The following MAPKAPK5 variants were observed in gnomAD, a reference collection of about 807,000 sequenced individuals.
MAPKAPK5 encodes MAPK activated protein kinase 5, also known as MAP kinase-activated protein kinase 5.
In MAPKAPK5, 30 loss-of-function variants were observed where a neutral mutation model predicts 65.1. That is an observed-to-expected ratio of 0.46 (90% CI 0.34 to 0.63). The LOEUF is 0.63. Among genes scored for constraint, MAPKAPK5 ranks in the 20% least tolerant of loss-of-function variants. The probability of loss-of-function intolerance (pLI) is 0.01; values close to 1 mark genes in which losing one functional copy is unlikely to be tolerated. For missense variants in MAPKAPK5, 433 were observed against 581.4 expected (o/e 0.74, Z 2.63); for synonymous variants, 179 against 204.6 (o/e 0.87, Z 1.07).
chr12:111,888,846 G>A lies in MAPKAPK5; in HGVS notation c.1101-39G>A, dbSNP rs1431405158. On this transcript the variant is annotated intron_variant, in intron 11 of 13. Transcript: ENST00000550735. ...TATCTGTCCAGAGTTGGTTTTTGGG[G>A]TCTCACGTTGTCATTACCCCTCCCT... is the stretch of plus-strand genomic sequence containing the variant. 10 of 1,606,024 alleles carry A rather than the reference G, an allele frequency of 6.2e-6. No homozygotes were observed. The Admixed American group carries it at 1.2e-4, about 19-fold the overall frequency.
chr12:111,888,482 A>T lies in MAPKAPK5; in HGVS notation c.970-6A>T. 1 of 1,613,040 alleles carries T rather than the reference A, an allele frequency of 6.2e-7. No homozygotes were observed. Among genetic ancestry groups the T allele is most frequent in the Non-Finnish European group, 8.5e-7 (1 of 1,179,614 alleles). ...ATGAAAAACTGACGGCAGTGTTTGC[A>T]TTCAGGCAGTGGTTGCAGGAATCCA... On this transcript the variant is annotated splice_polypyrimidine_tract_variant and splice_region_variant and intron_variant, in intron 10 of 13. Coordinates refer to ENST00000550735, the MANE Select transcript of MAPKAPK5 (RefSeq NM_003668.4).
intron 1 of MAPKAPK5, among the ~76,000 whole-genome samples, chr12:111,851,678 C>T (rs79518184): frequency 1.3e-3 from 202 of 152,250 alleles, no homozygotes; most frequent in African/African-American, 4.6e-3. Flanking sequence ...TTGTTAACAC[C>T]AAGGAAGAGA....
chr12:111,876,887 C>G (rs1451831841), intron 7 of MAPKAPK5, among the ~76,000 whole-genome samples: 1 of 146,610 alleles, frequency 6.8e-6, no homozygotes, highest in African/African-American at 2.6e-5. Flanking sequence ...AGTGGTCATA[C>G]TAATACACAT....
intron 1 of MAPKAPK5, chr12:111,843,175 T>C (rs2068783071): frequency 7.5e-6 from 3 of 398,662 alleles, no homozygotes; most frequent in African/African-American, 2.1e-5. Context: ...CCCGATTTGT[T>C]TGAAATCAGC....
chr12:111,868,899 A>G, intron 5 of MAPKAPK5, 38 bp downstream of exon 5: 3 of 1,488,176 alleles, frequency 2.0e-6, no homozygotes, highest in Non-Finnish European at 2.7e-6. Flanking sequence ...CTGCCACCAA[A>G]GTTGGTTAAC....
Position 111,848,148 on chromosome 12 carries a change from G to A in MAPKAPK5, c.36+5379G>A, listed in dbSNP as rs71465816. Among the ~76,000 whole-genome samples the A allele has an allele frequency of 3.8e-3, 575 of 152,268 alleles. 1 individual carries two copies. The highest frequency in any genetic ancestry group is 6.1e-3 in the Non-Finnish European group (415 of 68,026). On this transcript the variant is annotated intron_variant, in intron 1 of 13. Coordinates refer to ENST00000550735, the MANE Select transcript of MAPKAPK5 (RefSeq NM_003668.4). ...AGTAAATTTATGTTTAACTTTTTAAGAAACCACCGAACTGTTTTCCAAAGT... is the reference window on the plus strand; with the variant it reads ...AGTAAATTTATGTTTAACTTTTTAAAAAACCACCGAACTGTTTTCCAAAGT...
intron 2 of MAPKAPK5, among the ~76,000 whole-genome samples, chr12:111,865,618 A>C (rs902745872): frequency 6.6e-6 from 1 of 152,014 alleles, no homozygotes; most frequent in African/African-American, 2.4e-5. Context: ...CAGGCGGATC[A>C]TGAGGTCAGG....
chr12:111,865,982 G>A (rs1299580578), intron 2 of MAPKAPK5, among the ~76,000 whole-genome samples, 174 bp from the exon 3 acceptor site: 1 of 152,176 alleles, frequency 6.6e-6, no homozygotes, highest in Non-Finnish European at 1.5e-5. Context: ...TGGCTGCTGG[G>A]CAGAGGGGTG....
intron 1 of MAPKAPK5, among the ~76,000 whole-genome samples, chr12:111,855,886 G>T (rs184195394): frequency 0.018 from 2,591 of 142,316 alleles, 29 homozygotes; most frequent in Non-Finnish European, 0.028. Flanking sequence ...ATGGAGTTTC[G>T]CTCTTGTTGC....
chr12:111,842,657 C>CT lies in MAPKAPK5; in HGVS notation c.-74dup. ...GGCCCAGGGGCCCGAGTGCCGAGCCCTTTGCTCCCTCGGCCGCGCGGGGAC... is the reference window on the plus strand; with the variant it reads ...GGCCCAGGGGCCCGAGTGCCGAGCCCTTTTGCTCCCTCGGCCGCGCGGGGAC... On this transcript the variant is annotated 5_prime_UTR_variant, in exon 1 of 14. Coordinates refer to ENST00000550735, the MANE Select transcript of MAPKAPK5 (RefSeq NM_003668.4). 1 of 1,171,262 alleles carries CT rather than the reference C, an allele frequency of 8.5e-7. No homozygotes were observed. The highest frequency in any genetic ancestry group is 3.1e-5 in the East Asian group (1 of 32,248). 72.6% of individuals were successfully genotyped at this position (1,171,262 alleles called of 1,614,324 possible). A position where few individuals can be genotyped will look rare whatever the true frequency, so the allele number is the denominator to read the frequency against.
At position 111,842,586 on chromosome 12, in the gene MAPKAPK5, C is replaced by G. The variant is rs2068748714; in HGVS notation, c.-148C>G. ...CCGAAGCAGAGCCGGCGCCGGGGTC[C>G]TCATCCCCACCGGTCCCGAGGGGCG... On this transcript the variant is annotated 5_prime_UTR_variant, in exon 1 of 14. Coordinates refer to ENST00000550735, the MANE Select transcript of MAPKAPK5 (RefSeq NM_003668.4). 3 of 457,948 alleles carry G rather than the reference C, an allele frequency of 6.6e-6. No homozygotes were observed. The highest frequency in any genetic ancestry group is 2.0e-5 in the African/African-American group (1 of 49,278). 28.4% of individuals were successfully genotyped at this position (457,948 alleles called of 1,614,324 possible).
rs758280140 is a variant in MAPKAPK5, at chr12:111,886,003, T to G, written c.936T>G (p.Asn312Lys). 1 of 1,613,772 alleles carries G rather than the reference T, an allele frequency of 6.2e-7. No individual in the cohort carries two copies. The highest frequency in any genetic ancestry group is 1.7e-5 in the Admixed American group (1 of 59,996). ...PWLNSTEALD[N>K]VLPSAQLMMD... ...TCAATTCCACCGAGGCCCTGGATAA[T>G]GTGCTGCCTTCTGCTCAGCTGATGA... The change falls in exon 10 of 14, where the codon AAT becomes AAG. Residue 312 changes from asparagine to lysine, a missense_variant. This residue lies in a region of MAPKAPK5 where 169 missense variants were observed against 215.6 expected (regional missense o/e 0.78). Transcript: ENST00000550735.
At chr12:111,866,854 G>A (rs1052658741) in intron 3 of MAPKAPK5, among the ~76,000 whole-genome samples, 2 of 152,136 alleles carry the variant, frequency 1.3e-5, no homozygotes, top group African/African-American at 2.4e-5. Flanking sequence ...CATCCGCCTC[G>A]GCCTCTCAAA....
intron 11 of MAPKAPK5, 73 bp from the exon 12 acceptor site, chr12:111,888,812 T>A (rs1593184683): frequency 6.4e-7 from 1 of 1,567,634 alleles, no homozygotes; most frequent in Non-Finnish European, 8.7e-7. Context: ...GCCTTATGTT[T>A]AGAGGTAATA....
chr12:111,868,921 C>A, intron 5 of MAPKAPK5, 60 bp downstream of exon 5: 1 of 1,244,700 alleles, frequency 8.0e-7, no homozygotes, highest in Non-Finnish European at 1.1e-6. Context: ...AGCACAATTT[C>A]ATTGGGGGGA....
At chr12:111,871,780 A>G (rs1274134756) in intron 7 of MAPKAPK5, among the ~76,000 whole-genome samples, 3 of 152,244 alleles carry the variant, frequency 2.0e-5, no homozygotes, top group African/African-American at 7.2e-5. Flanking sequence ...CGACCACCAC[A>G]TTGAAGATGT....
chr12:111,859,993 C>T (rs1348050743), intron 1 of MAPKAPK5, among the ~76,000 whole-genome samples: 2 of 152,150 alleles, frequency 1.3e-5, no homozygotes, highest in African/African-American at 2.4e-5. Context: ...TTGCTTAAAC[C>T]TGGGAGGTGG....
chr12:111,877,631 T>G (rs1433211199), intron 7 of MAPKAPK5, among the ~76,000 whole-genome samples: 1 of 152,214 alleles, frequency 6.6e-6, no homozygotes, highest in African/African-American at 2.4e-5. Context: ...GGGTTGTTTA[T>G]TTTCTTATTA....
intron 1 of MAPKAPK5, among the ~76,000 whole-genome samples, chr12:111,848,623 G>A (rs558550935): frequency 6.6e-6 from 1 of 150,700 alleles, no homozygotes; most frequent in Non-Finnish European, 1.5e-5. Flanking sequence ...ATGTTGGCCA[G>A]GCTGGTCTTG....
Sources: allele counts gnomAD v4.1 joint callset (sites outside exome capture counted in the v4.1 genomes callset), GRCh38; gene constraint gnomAD v4.1.1; regional missense constraint gnomAD v4.1.1; transcripts MANE v1.5; gene names NCBI Gene and HGNC (gene_info 2026-07-23, HGNC 2026-07-21).